Variants in LTBP2 observed in about 807,000 individuals in gnomAD.
The protein encoded by LTBP2 is latent-transforming growth factor beta-binding protein 2.
LTBP2 carries 103 observed loss-of-function variants against 210.6 expected under a neutral mutation model. That is an observed-to-expected ratio of 0.49 (90% confidence interval 0.42 to 0.58). The LOEUF is 0.58. LTBP2 is among the 20% of genes least tolerant of loss of function. The pLI is 0.00. For synonymous variants in LTBP2, 1,007 were observed against 1,015.0 expected (o/e 0.99, Z 0.15); for missense variants, 2,313 against 2,494.5 (o/e 0.93, Z 1.55).
At chr14:74,549,240 G>A (rs187578519) in intron 8 of LTBP2, among the ~76,000 whole-genome samples, 1 of 152,246 alleles carries the variant, frequency 6.6e-6, no homozygotes, top group Admixed American at 6.5e-5. Context: ...GGAGAGCATC[G>A]TGAACAGGCA....
chr14:74,606,313 A>C (rs1322973590), intron 1 of LTBP2, among the ~76,000 whole-genome samples: 2 of 152,210 alleles, frequency 1.3e-5, no homozygotes, highest in African/African-American at 2.4e-5. Flanking sequence ...CCATGTGCCT[A>C]CTTTCCTGTG....
intron 2 of LTBP2, among the ~76,000 whole-genome samples, chr14:74,593,403 C>A (rs898709266): frequency 1.6e-4 from 24 of 152,200 alleles, no homozygotes; most frequent in African/African-American, 5.8e-4. Flanking sequence ...AGCTGCATGA[C>A]CTTGGACACA....
intron 17 of LTBP2, among the ~76,000 whole-genome samples, chr14:74,517,305 C>T (rs1348826702): frequency 6.6e-6 from 1 of 152,142 alleles, no homozygotes; most frequent in Non-Finnish European, 1.5e-5. Context: ...CGCTCCTGGC[C>T]CCACTATATC....
chr14:74,611,860 A>G lies in LTBP2; in HGVS notation c.85T>C (p.Phe29Leu), dbSNP rs767471138. 4.3e-6 allele frequency: 7 copies of G among 1,610,668 alleles called. No homozygotes were observed. In the Admixed American group the frequency reaches 1.2e-4, roughly 27 times the overall value. Residue 29 changes from phenylalanine (F) to leucine (L), a missense_variant, in exon 1 of 36, where the codon TTC (phenylalanine) becomes CTC (leucine). Physicochemically the swap from Phe to Leu is conservative, Grantham distance 22. This residue lies in a region of LTBP2 where 1,867 missense variants were observed against 1,976.9 expected (regional missense o/e 0.94). Coordinates refer to ENST00000261978, the MANE Select transcript of LTBP2 (RefSeq NM_000428.3). ...CTTTGGGCATGACCCGCGCCCACGA[A>G]GAGAGCCAGGGTGAGCGGCAGGAAG... Reference protein sequence around the residue: ...RGFLPLTLALFVGAGHAQRDP... With the variant: ...RGFLPLTLALLVGAGHAQRDP...
intron 17 of LTBP2, among the ~76,000 whole-genome samples, chr14:74,520,397 G>A (rs1038345226): frequency 1.4e-4 from 22 of 152,194 alleles, no homozygotes; most frequent in African/African-American, 5.3e-4. Context: ...GCCTCAGTTT[G>A]CTAAACTATT....
chr14:74,520,029 A>T (rs1348401715), intron 17 of LTBP2, among the ~76,000 whole-genome samples: 1 of 152,190 alleles, frequency 6.6e-6, no homozygotes, highest in Non-Finnish European at 1.5e-5. Context: ...TCTACTGGCT[A>T]CCCATGCCTG....
At chr14:74,607,913 T>C (rs2088549466) in intron 1 of LTBP2, among the ~76,000 whole-genome samples, 1 of 151,586 alleles carries the variant, frequency 6.6e-6, no homozygotes, top group African/African-American at 2.4e-5. Flanking sequence ...AACTAGACTA[T>C]GTTTTTTTTT....
chr14:74,507,364 T>TGGTC, intron 25 of LTBP2, 54 bp from the exon 26 acceptor site: 2 of 1,612,248 alleles, frequency 1.2e-6, no homozygotes, highest in East Asian at 4.5e-5. Flanking sequence ...GTCACTGCTG[T>TGGTC]GGTCCCACAG....
intron 8 of LTBP2, among the ~76,000 whole-genome samples, chr14:74,548,051 C>G (rs934624685): frequency 1.3e-5 from 2 of 151,964 alleles, no homozygotes; most frequent in African/African-American, 4.8e-5. Flanking sequence ...CCTAATTATT[C>G]TTCAAATCTC....
chr14:74,503,610 G>A lies in LTBP2; in HGVS notation c.4583-4C>T. On this transcript the variant is annotated splice_polypyrimidine_tract_variant and splice_region_variant and intron_variant, in intron 31 of 35. Transcript: ENST00000261978. Reference sequence around the variant, plus strand: ...AGGTCCTGGCACTCATCGTGATCTGGGGAGGCAGGAAAGGGTGGGGCATTG... The same window carrying A: ...AGGTCCTGGCACTCATCGTGATCTGAGGAGGCAGGAAAGGGTGGGGCATTG... 6.2e-7 allele frequency: 1 copy of A among 1,613,448 alleles called. No individual in the cohort carries two copies.
At chr14:74,561,834 T>G (rs150579771) in intron 3 of LTBP2, among the ~76,000 whole-genome samples, 2 of 152,144 alleles carry the variant, frequency 1.3e-5, no homozygotes, top group Admixed American at 6.5e-5. Context: ...AGACCATATC[T>G]AGGAGAAGGA....
chr14:74,581,661 C>T (rs75257292), intron 3 of LTBP2, among the ~76,000 whole-genome samples: 8,767 of 152,152 alleles, frequency 0.058, 362 homozygotes, highest in Non-Finnish European at 0.074. Context: ...GCGAGGAAAC[C>T]GAGCCCCCCT....
chr14:74,603,723 CAG>C lies in LTBP2; in HGVS notation c.495-20_495-19del, dbSNP rs780573609. ...CGTTCCTCCTGTGGGGTCACCAAAA[CAG>C]AGTCAACACAAGGATGCTCAGAGCT... On this transcript the variant is annotated intron_variant, in intron 1 of 35. Transcript: ENST00000261978. 8.1e-6 allele frequency: 13 copies of C among 1,610,690 alleles called. No homozygotes were observed. The highest frequency in any genetic ancestry group is 5.3e-5 in the African/African-American group (4 of 74,978).
At chr14:74,505,220 G>A (rs934772436) in intron 28 of LTBP2, 46 bp from the exon 29 acceptor site, 3 of 1,580,636 alleles carry the variant, frequency 1.9e-6, no homozygotes, top group Non-Finnish European at 1.7e-6. Flanking sequence ...GACCCTCTAA[G>A]GGGGGTCAAT....
At chr14:74,556,335 A>G (rs1454075588) in intron 3 of LTBP2, among the ~76,000 whole-genome samples, 1 of 152,208 alleles carries the variant, frequency 6.6e-6, no homozygotes. Context: ...ATTTTACACT[A>G]TTGTCATCAC....
chr14:74,593,227 G>A (rs148866655), intron 2 of LTBP2, among the ~76,000 whole-genome samples: 1 of 152,204 alleles, frequency 6.6e-6, no homozygotes, highest in African/African-American at 2.4e-5. Context: ...ACTCAGAATG[G>A]GCAGGCCTGG....
At chr14:74,559,073 C>T (rs1227713034) in intron 3 of LTBP2, among the ~76,000 whole-genome samples, 3 of 152,086 alleles carry the variant, frequency 2.0e-5, no homozygotes, top group Non-Finnish European at 4.4e-5. Flanking sequence ...TAGAAAAATA[C>T]GCCAGAATTT....
chr14:74,559,521 G>A (rs1189997642), intron 3 of LTBP2, among the ~76,000 whole-genome samples: 1 of 152,096 alleles, frequency 6.6e-6, no homozygotes, highest in Non-Finnish European at 1.5e-5. Context: ...GGTGAGCAGC[G>A]AGAGAGGCTC....
At chr14:74,503,177 C>T (rs747727618) in intron 33 of LTBP2, 42 bp downstream of exon 33, 2 of 1,609,010 alleles carry the variant, frequency 1.2e-6, no homozygotes, top group East Asian at 4.5e-5. Flanking sequence ...CTCCCTGGGG[C>T]CTGGCCCAGC....
Sources: allele counts gnomAD v4.1 joint callset (sites outside exome capture counted in the v4.1 genomes callset), GRCh38; gene constraint gnomAD v4.1.1; regional missense constraint gnomAD v4.1.1; transcripts MANE v1.5; gene names NCBI Gene and HGNC (gene_info 2026-07-23, HGNC 2026-07-21).